The following PSMD2 variants were observed in gnomAD, a reference collection of about 807,000 sequenced individuals.
PSMD2 encodes proteasome 26S subunit ubiquitin receptor, non-ATPase 2.
PSMD2 carries 8 observed loss-of-function variants against 101.5 expected under a neutral mutation model. That is an observed-to-expected ratio of 0.08 (90% CI 0.05 to 0.14). The LOEUF (loss-of-function observed/expected upper bound fraction) is 0.14, where lower values mean the gene tolerates loss of function less well. PSMD2 is among the 10% of genes least tolerant of loss of function. The pLI, the probability that PSMD2 is intolerant of heterozygous loss-of-function variation, is 1.00. For synonymous variants in PSMD2, 418 were observed against 433.8 expected (o/e 0.96, Z 0.45); for missense variants, 784 against 1,147.4 (o/e 0.68, Z 4.58).
chr3:184,302,736 G>A lies in PSMD2; in HGVS notation c.921G>A (p.Leu307=). 1 of 1,614,180 alleles carries A rather than the reference G, an allele frequency of 6.2e-7. No individual in the cohort carries two copies. The highest frequency in any genetic ancestry group is 1.1e-5 in the South Asian group (1 of 91,070). ...MLGRHGVFLE[L]SEDVEEYEDL... ...GCCGGCATGGGGTGTTCCTGGAGCT[G>A]AGTGAAGATGTCGAGGAGTATGAGG... The change falls in exon 7 of 21, where the codon CTG becomes CTA. Residue 307 remains leucine, a synonymous_variant. Coordinates refer to ENST00000310118, the MANE Select transcript of PSMD2 (RefSeq NM_002808.5).
At chr3:184,307,273 C>A in intron 16 of PSMD2, 84 bp from the exon 17 acceptor site, 1 of 1,468,670 alleles carries the variant, frequency 6.8e-7, no homozygotes, top group South Asian at 1.2e-5. Flanking sequence ...AGTTAAGGCC[C>A]CCTTTTACCC....
In PSMD2 at chr3:184,308,369, G is replaced by C; in HGVS notation, c.2426-80G>C. 2 of 1,162,458 alleles carry C rather than the reference G, an allele frequency of 1.7e-6. No individual in the cohort carries two copies. Among genetic ancestry groups the C allele is most frequent in the Non-Finnish European group, 2.5e-6 (2 of 804,444 alleles). 72.0% of individuals were successfully genotyped at this position (1,162,458 alleles called of 1,614,324 possible). On this transcript the variant is annotated intron_variant, in intron 19 of 20. Coordinates refer to ENST00000310118, the MANE Select transcript of PSMD2 (RefSeq NM_002808.5). This position sits in a 1 kb window ranked among gnomAD's most constrained non-coding sequence, Gnocchi z 6.0. ...GTATGACTGACGGGTTAAAGGGTCA[G>C]CGCTGAGGTGGGCTCTCAATGTTTC...
chr3:184,302,287 ATT>A, intron 5 of PSMD2, 81 bp from the exon 6 acceptor site: 1 of 1,393,674 alleles, frequency 7.2e-7, no homozygotes, highest in South Asian at 1.3e-5. Flanking sequence ...GTAGATATTT[ATT>A]ATTTATTTTG....
chr3:184,300,276 T>C lies in PSMD2; in HGVS notation c.193-4T>C, dbSNP rs770386736. ...TTGTCTGAGCCCTGTCGTCTCTTGATCAGGAGAAGGATACATCCCTGTATC... is the reference window on the plus strand; with the variant it reads ...TTGTCTGAGCCCTGTCGTCTCTTGACCAGGAGAAGGATACATCCCTGTATC... On this transcript the variant is annotated splice_polypyrimidine_tract_variant and splice_region_variant and intron_variant, in intron 2 of 20. Coordinates refer to ENST00000310118, the MANE Select transcript of PSMD2 (RefSeq NM_002808.5). The C allele has an allele frequency of 6.2e-7, 1 of 1,610,492 alleles. No homozygotes were observed. Among genetic ancestry groups the C allele is most frequent in the Non-Finnish European group, 8.5e-7 (1 of 1,178,324 alleles).
chr3:184,306,301 C>T, intron 14 of PSMD2, 49 bp from the exon 15 acceptor site: 2 of 1,600,896 alleles, frequency 1.2e-6, no homozygotes, highest in South Asian at 1.1e-5. Context: ...AAAGCTTTTC[C>T]TTGGTAACTT....
chr3:184,306,269 C>G, intron 14 of PSMD2, 81 bp from the exon 15 acceptor site: 1 of 1,591,188 alleles, frequency 6.3e-7, no homozygotes, highest in East Asian at 2.2e-5. Flanking sequence ...GCTCTAGATT[C>G]TTTAGACTTC....
At chr3:184,306,606 G>C in intron 15 of PSMD2, 111 bp downstream of exon 15, 1 of 1,538,210 alleles carries the variant, frequency 6.5e-7, no homozygotes, top group Non-Finnish European at 8.8e-7. Context: ...GCCATGTATT[G>C]AAATAGCGTG....
chr3:184,308,341 G>T lies in PSMD2; in HGVS notation c.2426-108G>T. 1.1e-6 allele frequency: 1 copy of T among 937,640 alleles called. No homozygotes were observed. The highest frequency in any genetic ancestry group is 2.4e-5 in the East Asian group (1 of 41,654). 58.1% of individuals were successfully genotyped at this position (937,640 alleles called of 1,614,324 possible). On this transcript the variant is annotated intron_variant, in intron 19 of 20. Transcript: ENST00000310118. The surrounding 1 kb of genome is among the most constrained non-coding windows in gnomAD (Gnocchi z 6.0). Reference sequence around the variant, plus strand: ...GTATGAGGGGAGGAGTGTGGATTCAGTCGTATGACTGACGGGTTAAAGGGT... The same window carrying T: ...GTATGAGGGGAGGAGTGTGGATTCATTCGTATGACTGACGGGTTAAAGGGT...
At chr3:184,301,432 T>A in intron 3 of PSMD2, 105 bp from the exon 4 acceptor site, 1 of 1,381,200 alleles carries the variant, frequency 7.2e-7, no homozygotes, top group South Asian at 1.2e-5. Flanking sequence ...CAGAGATTGG[T>A]ATGTAGTTAG....
At position 184,304,780 on chromosome 3, in the gene PSMD2, A is replaced by G. The variant is rs929240672; in HGVS notation, c.1539+389A>G. 3.9e-5 allele frequency among the ~76,000 whole-genome samples: 6 copies of G among 152,170 alleles called. No homozygotes were observed. Among genetic ancestry groups the G allele is most frequent in the Non-Finnish European group, 7.3e-5 (5 of 68,036 alleles). Reference sequence around the variant, plus strand: ...GTGGTGCTCGCCTGTAGTGCCAGCTACTAGGGAAGCTGAGGTGGGAGAATT... The same window carrying G: ...GTGGTGCTCGCCTGTAGTGCCAGCTGCTAGGGAAGCTGAGGTGGGAGAATT... On this transcript the variant is annotated intron_variant, in intron 12 of 20. Coordinates refer to ENST00000310118, the MANE Select transcript of PSMD2 (RefSeq NM_002808.5). The surrounding 1 kb of genome is among the most constrained non-coding windows in gnomAD (Gnocchi z 4.1).
At chr3:184,307,282 C>A in intron 16 of PSMD2, 75 bp from the exon 17 acceptor site, 1 of 1,510,606 alleles carries the variant, frequency 6.6e-7, no homozygotes, top group Admixed American at 1.8e-5. Context: ...CCCCTTTTAC[C>A]CATCAGTCCA....
rs760186902 is a variant in PSMD2 at position 184,307,374 on chromosome 3, T to C, written c.2052T>C (p.Pro684=). The stretch of plus-strand genomic sequence containing the variant: ...ATCATCAGCTGAGATATGGGGAGCC[T>C]ACACTCCGGAGGGCTGTACCTTTAG... ...TFGHLLRYGE[P]TLRRAVPLAL... Residue 684 remains proline, a synonymous_variant, in exon 17 of 21, where the codon CCT becomes CCC. Coordinates refer to ENST00000310118, the MANE Select transcript of PSMD2 (RefSeq NM_002808.5). 1.3e-5 allele frequency: 21 copies of C among 1,614,096 alleles called. No homozygotes were observed. The highest frequency in any genetic ancestry group is 3.4e-6 in the Non-Finnish European group (4 of 1,180,022).
At chr3:184,303,102 A>G (rs368865069) in intron 8 of PSMD2, 40 bp downstream of exon 8, 1 of 1,594,198 alleles carries the variant, frequency 6.3e-7, no homozygotes, top group African/African-American at 1.3e-5. Flanking sequence ...GGGGGATTGT[A>G]GGTATGCCCC....
At chr3:184,299,565 C>T in intron 1 of PSMD2, 164 bp downstream of exon 1, 1 of 1,036,638 alleles carries the variant, frequency 9.6e-7, no homozygotes, top group Non-Finnish European at 1.3e-6. Flanking sequence ...CCTCATTCTC[C>T]GTTCCGCGCT....
chr3:184,300,050 A>C, intron 2 of PSMD2, 143 bp downstream of exon 2: 2 of 910,850 alleles, frequency 2.2e-6, no homozygotes, highest in Non-Finnish European at 3.5e-6. Flanking sequence ...AGAGTTACAA[A>C]GGGTATTTGT....
intron 3 of PSMD2, among the ~76,000 whole-genome samples, chr3:184,301,218 C>T (rs1048265603): frequency 2.0e-5 from 3 of 151,250 alleles, no homozygotes; most frequent in African/African-American, 7.3e-5. Context: ...CGCCTGTAAT[C>T]CCAGCTACTT....
intron 3 of PSMD2, among the ~76,000 whole-genome samples, chr3:184,301,276 C>T (rs1159410418): frequency 6.7e-6 from 1 of 148,974 alleles, no homozygotes; most frequent in African/African-American, 2.5e-5. Context: ...GCAGAGGTTG[C>T]AGTGAACCGA....
chr3:184,305,917 T>G lies in PSMD2; in HGVS notation c.1689T>G (p.Gly563=). The part of the protein sequence containing the change: ...TYARWLPLGL[G]LNHLGKGEAI... ...CTCGTTGGCTTCCTCTTGGACTGGG[T>G]CTCAACCACCTGGGTGAGGGGATGT... is the stretch of plus-strand genomic sequence containing the variant. Residue 563 remains glycine, a synonymous_variant, in exon 13 of 21, where the codon GGT becomes GGG. Coordinates refer to ENST00000310118, the MANE Select transcript of PSMD2 (RefSeq NM_002808.5). 6.2e-7 allele frequency: 1 copy of G among 1,614,138 alleles called. No homozygotes were observed. The highest frequency in any genetic ancestry group is 8.5e-7 in the Non-Finnish European group (1 of 1,180,028).
At position 184,302,436 on chromosome 3, in the gene PSMD2, A is replaced by G. The variant is rs149462632; in HGVS notation, c.771A>G (p.Arg257=). 104 of 1,613,960 alleles carry G rather than the reference A, an allele frequency of 6.4e-5. No individual in the cohort carries two copies. In the African/African-American group the frequency reaches 1.1e-3, roughly 17 times the overall value. ...TGCGTTGTGCCCTGGGTGTGTTCCG[A>G]AAGTTTAGCCGCTTCCCTGAAGCTC... ...ALLRCALGVF[R]KFSRFPEALR... is the part of the protein sequence containing the mutation. Residue 257 remains arginine, a synonymous_variant, in exon 6 of 21, where the codon CGA becomes CGG. Coordinates refer to ENST00000310118, the MANE Select transcript of PSMD2 (RefSeq NM_002808.5).
Sources: allele counts gnomAD v4.1 joint callset (sites outside exome capture counted in the v4.1 genomes callset), GRCh38; gene constraint gnomAD v4.1.1; non-coding constraint Gnocchi (gnomAD v3.1); transcripts MANE v1.5; gene names NCBI Gene and HGNC (gene_info 2026-07-23, HGNC 2026-07-21).